Variants in REDIC1 observed in about 807,000 individuals in gnomAD.
The protein encoded by REDIC1 is HEI10 Interacting Protein 1.
chr12:39,692,037 G>T, the REDIC1 span: 2 of 1,560,300 alleles, frequency 1.3e-6, no homozygotes, highest in African/African-American at 2.7e-5. Flanking sequence ...TAACATTTTG[G>T]TTTTCTCCTA....
chr12:39,895,551 T>TATATATAC, the REDIC1 span, among the ~76,000 whole-genome samples: 2 of 66,766 alleles, frequency 3.0e-5, no homozygotes, highest in African/African-American at 1.2e-4. Flanking sequence ...TATATATATA[T>TATATATAC]ACACACACAC....
At chr12:39,638,281 A>G in the REDIC1 span, among the ~76,000 whole-genome samples, 4 of 152,010 alleles carry the variant, frequency 2.6e-5, no homozygotes, top group Non-Finnish European at 4.4e-5. Flanking sequence ...AGGCAGTTGC[A>G]GGAGCTGCAG....
chr12:39,782,326 C>G, the REDIC1 span, among the ~76,000 whole-genome samples: 9 of 151,998 alleles, frequency 5.9e-5, no homozygotes, highest in Middle Eastern at 3.2e-3. Flanking sequence ...CCAGGGGGAG[C>G]TAATTGAATC....
the REDIC1 span, chr12:39,683,260 A>G: frequency 8.8e-6 from 11 of 1,254,728 alleles, no homozygotes; most frequent in Non-Finnish European, 1.2e-5. Flanking sequence ...ATGTGTTTGG[A>G]GGAAAATGAA....
the REDIC1 span, among the ~76,000 whole-genome samples, chr12:39,780,862 C>A: frequency 4.6e-5 from 7 of 152,112 alleles, no homozygotes; most frequent in Non-Finnish European, 8.8e-5. Flanking sequence ...AAAACTTCCC[C>A]TAGAAGCTGC....
At chr12:39,895,528 A>G in the REDIC1 span, among the ~76,000 whole-genome samples, 12,786 of 66,848 alleles carry the variant, frequency 0.19, 1,554 homozygotes, top group East Asian at 0.4. Flanking sequence ...ATATATATAT[A>G]TATATATATA....
At chr12:39,877,215 G>C in the REDIC1 span, among the ~76,000 whole-genome samples, 1 of 152,096 alleles carries the variant, frequency 6.6e-6, no homozygotes, top group Non-Finnish European at 1.5e-5. Flanking sequence ...AATAAAAAGA[G>C]GTTGAATGGA....
At chr12:39,714,256 TGC>T in the REDIC1 span, among the ~76,000 whole-genome samples, 1 of 145,308 alleles carries the variant, frequency 6.9e-6, no homozygotes, top group African/African-American at 2.5e-5. Context: ...TATACGTATA[TGC>T]ATGCATATAT....
At chr12:39,879,712 G>A in the REDIC1 span, among the ~76,000 whole-genome samples, 30 of 152,294 alleles carry the variant, frequency 2.0e-4, no homozygotes, top group East Asian at 5.6e-3. Context: ...AGGCTCAAAA[G>A]TGGAAGGGAT....
the REDIC1 span, chr12:39,872,003 C>A: frequency 3.5e-6 from 5 of 1,444,934 alleles, no homozygotes; most frequent in East Asian, 2.6e-5. Flanking sequence ...GATAGTTACC[C>A]AAAGAAACAG....
At chr12:39,666,072 A>G in the REDIC1 span, among the ~76,000 whole-genome samples, 28 of 152,046 alleles carry the variant, frequency 1.8e-4, no homozygotes, top group Non-Finnish European at 3.4e-4. Flanking sequence ...TCTCCTGCCT[A>G]ATTGCCCTGG....
the REDIC1 span, among the ~76,000 whole-genome samples, chr12:39,890,569 A>C: frequency 6.6e-6 from 1 of 152,224 alleles, no homozygotes; most frequent in African/African-American, 2.4e-5. Context: ...GACCTCTGTC[A>C]GATTTCTGAC....
chr12:39,841,556 C>G, the REDIC1 span, among the ~76,000 whole-genome samples: 3 of 152,030 alleles, frequency 2.0e-5, no homozygotes, highest in African/African-American at 7.2e-5. Flanking sequence ...AAATGTATAT[C>G]TATATACATA....
At chr12:39,807,085 ATTG>A in the REDIC1 span, among the ~76,000 whole-genome samples, 1,794 of 152,206 alleles carry the variant, frequency 0.012, 36 homozygotes, top group African/African-American at 0.04. Flanking sequence ...ACTGAAAGTA[ATTG>A]CAACACATTA....
At chr12:39,747,022 T>A in the REDIC1 span, among the ~76,000 whole-genome samples, 1 of 151,930 alleles carries the variant, frequency 6.6e-6, no homozygotes, top group African/African-American at 2.4e-5. Context: ...AGAGCACCTC[T>A]CCCCCTCCAA....
chr12:39,735,689 T>C, the REDIC1 span, among the ~76,000 whole-genome samples: 280 of 152,384 alleles, frequency 1.8e-3, no homozygotes, highest in African/African-American at 6.0e-3. Context: ...AAGGGTGTTA[T>C]TGTACAACCC....
chr12:39,714,976 A>G, the REDIC1 span, among the ~76,000 whole-genome samples: 1 of 151,896 alleles, frequency 6.6e-6, no homozygotes, highest in African/African-American at 2.4e-5. Flanking sequence ...CCTTTGTCAG[A>G]TGTATAGATT....
chr12:39,811,893 C>T, the REDIC1 span, among the ~76,000 whole-genome samples: 1 of 152,232 alleles, frequency 6.6e-6, no homozygotes, highest in Admixed American at 6.5e-5. Context: ...CTGTCTTTTA[C>T]TGGAGTTTCT....
At chr12:39,718,019 G>T in the REDIC1 span, among the ~76,000 whole-genome samples, 1 of 151,472 alleles carries the variant, frequency 6.6e-6, no homozygotes, top group Non-Finnish European at 1.5e-5. Context: ...TTCTTGATTA[G>T]CTCTTGTAAA....
Sources: gnomAD v4.1 joint callset for allele counts (sites outside exome capture counted in the v4.1 genomes callset) on GRCh38, gnomAD v4.1.1 for gene constraint, MANE v1.5 for transcripts, NCBI Gene and HGNC (gene_info 2026-07-23, HGNC 2026-07-21) for gene names.